HDX: variants seen among roughly 807,000 people sequenced by gnomAD.
HDX encodes chromosome X open reading frame 43.
In HDX, 19 loss-of-function variants were observed where a neutral mutation model predicts 45.2. The observed-to-expected ratio is 0.42, with a 90% CI of 0.29 to 0.62. The LOEUF is 0.62. Among genes scored for constraint, HDX ranks in the 20% least tolerant of loss-of-function variants. The pLI is 0.20. For synonymous variants in HDX, 188 were observed against 172.8 expected, an observed-to-expected ratio of 1.09 and a Z score of -0.69; for missense variants, 532 against 493.9, an observed-to-expected ratio of 1.08 and a Z score of -0.73.
Position 84,365,546 on chromosome X carries a change from G to A in HDX, c.1306-3934C>T, listed in dbSNP as rs773115946. 6.9e-4 allele frequency among the ~76,000 whole-genome samples: 77 copies of A among 112,065 alleles called. 1 individual carries two copies. The highest frequency in any genetic ancestry group is 2.3e-3 in the African/African-American group (70 of 30,873). Reference sequence around the variant, plus strand: ...TAACTCCTGGTTCCCAAAGGAGGATGTGATTGGCTTGTTTGAATCATTCTG... The same window carrying A: ...TAACTCCTGGTTCCCAAAGGAGGATATGATTGGCTTGTTTGAATCATTCTG... On this transcript the variant is annotated intron_variant, in intron 5 of 10. Coordinates refer to ENST00000373177, the MANE Select transcript of HDX (RefSeq NM_001177479.2).
intron 1 of HDX, among the ~76,000 whole-genome samples, chrX:84,491,080 G>T (rs1209575108): frequency 9.0e-6 from 1 of 111,142 alleles, no homozygotes; most frequent in African/African-American, 3.3e-5. Flanking sequence ...TGGGTTCATA[G>T]ATTTCATCAA....
chrX:84,438,349 C>A (rs1167705279), intron 5 of HDX, among the ~76,000 whole-genome samples: 1 of 111,203 alleles, frequency 9.0e-6, no homozygotes, highest in Non-Finnish European at 1.9e-5. Flanking sequence ...TTTTATGTAT[C>A]CTATCCATTA....
chrX:84,330,208 A>G (rs920795844), intron 9 of HDX, among the ~76,000 whole-genome samples: 1 of 111,434 alleles, frequency 9.0e-6, no homozygotes, highest in Non-Finnish European at 1.9e-5. Context: ...TAAAAAGTAA[A>G]AATTATTCTA....
At chrX:84,374,701 C>T in intron 5 of HDX, among the ~76,000 whole-genome samples, 1 of 109,841 alleles carries the variant, frequency 9.1e-6, no homozygotes, top group East Asian at 2.8e-4. Context: ...ATGTAGAAAG[C>T]TGAAACTGGA....
At chrX:84,450,523 C>A (rs1199665312) in intron 4 of HDX, among the ~76,000 whole-genome samples, 2 of 111,532 alleles carry the variant, frequency 1.8e-5, no homozygotes, top group Non-Finnish European at 3.8e-5. Context: ...CCCCCAACAC[C>A]AGTGCACCAA....
chrX:84,356,142 C>T (rs987259462), intron 6 of HDX, among the ~76,000 whole-genome samples: 4 of 111,071 alleles, frequency 3.6e-5, no homozygotes, highest in African/African-American at 1.3e-4. Flanking sequence ...AACTAGACAT[C>T]CTAAGGTGAA....
At chrX:84,425,381 T>C (rs968399286) in intron 5 of HDX, among the ~76,000 whole-genome samples, 2 of 111,742 alleles carry the variant, frequency 1.8e-5, no homozygotes, top group Admixed American at 1.9e-4. Context: ...TGTAAATTAG[T>C]ACAACCACTA....
chrX:84,351,346 G>A (rs747341474), intron 6 of HDX, among the ~76,000 whole-genome samples: 1 of 110,951 alleles, frequency 9.0e-6, no homozygotes, highest in Non-Finnish European at 1.9e-5. Context: ...TCCCATCAGT[G>A]AGTGTTTTTT....
chrX:84,496,978 G>A (rs976511534), intron 1 of HDX, among the ~76,000 whole-genome samples: 1 of 111,036 alleles, frequency 9.0e-6, no homozygotes, highest in Non-Finnish European at 1.9e-5. Flanking sequence ...GAAAATGACT[G>A]GATCATGGGG....
chrX:84,340,807 C>A (rs2037068963), intron 7 of HDX, among the ~76,000 whole-genome samples: 1 of 111,090 alleles, frequency 9.0e-6, no homozygotes. Context: ...AGATAAGCCA[C>A]CGATAAAAAA....
chrX:84,392,814 A>T (rs2038471516), intron 5 of HDX, among the ~76,000 whole-genome samples: 1 of 13,739 alleles, frequency 7.3e-5, no homozygotes, highest in Non-Finnish European at 2.3e-4. Context: ...ATTTTTATAT[A>T]CTGATTTTTT....
intron 9 of HDX, among the ~76,000 whole-genome samples, chrX:84,328,102 A>G (rs2147760171): frequency 9.0e-6 from 1 of 111,474 alleles, no homozygotes; most frequent in African/African-American, 3.3e-5. Flanking sequence ...ACGGGGATGC[A>G]TTATTGTGCC....
intron 4 of HDX, among the ~76,000 whole-genome samples, chrX:84,455,487 G>A (rs1159903203): frequency 9.0e-6 from 1 of 111,555 alleles, no homozygotes; most frequent in Non-Finnish European, 1.9e-5. Flanking sequence ...ATAAAGAATT[G>A]GCGAGCTTGG....
At chrX:84,477,231 T>C (rs997233014) in intron 2 of HDX, among the ~76,000 whole-genome samples, 1 of 111,315 alleles carries the variant, frequency 9.0e-6, no homozygotes, top group Non-Finnish European at 1.9e-5. Flanking sequence ...AGGACAATGG[T>C]ATACTTCAAA....
intron 5 of HDX, among the ~76,000 whole-genome samples, chrX:84,423,028 CAAAT>C (rs1472567683): frequency 9.1e-6 from 1 of 110,255 alleles, no homozygotes; most frequent in Non-Finnish European, 1.9e-5. Flanking sequence ...AAAGAAAATA[CAAAT>C]AAATAAAATC....
At chrX:84,496,494 C>T (rs1387914653) in intron 1 of HDX, among the ~76,000 whole-genome samples, 1 of 110,321 alleles carries the variant, frequency 9.1e-6, no homozygotes, top group East Asian at 2.9e-4. Context: ...CATGCTACCA[C>T]TCTATGGAAC....
chrX:84,355,946 G>A (rs763254455), intron 6 of HDX, among the ~76,000 whole-genome samples: 1 of 109,624 alleles, frequency 9.1e-6, no homozygotes, highest in African/African-American at 3.3e-5. Context: ...TTTGCTAAAT[G>A]AGTAAGTCGG....
chrX:84,496,691 G>A (rs1239228306), intron 1 of HDX, among the ~76,000 whole-genome samples: 1 of 111,669 alleles, frequency 9.0e-6, no homozygotes. Flanking sequence ...TAAATAAAGT[G>A]TCTGACTCAT....
chrX:84,349,609 GTATA>G (rs752855941), intron 6 of HDX, among the ~76,000 whole-genome samples: 14 of 77,558 alleles, frequency 1.8e-4, no homozygotes, highest in East Asian at 7.9e-4. Flanking sequence ...ATGTGTGTGT[GTATA>G]TATATATATA....
Sources: gnomAD v4.1 joint callset for allele counts (sites outside exome capture counted in the v4.1 genomes callset) on GRCh38, gnomAD v4.1.1 for gene constraint, MANE v1.5 for transcripts, NCBI Gene and HGNC (gene_info 2026-07-23, HGNC 2026-07-21) for gene names.